Variants in ADGRL4 observed in about 807,000 individuals in gnomAD.
ADGRL4 encodes adhesion G protein-coupled receptor L4, also known as EGF, latrophilin and seven transmembrane domain containing 1.
ADGRL4 carries 90 observed loss-of-function variants against 74.8 expected under a neutral mutation model. That is an observed-to-expected ratio of 1.20 (90% confidence interval 1.02 to 1.43). The LOEUF (loss-of-function observed/expected upper bound fraction) is 1.43, where lower values mean the gene tolerates loss of function less well. Among genes scored for constraint, ADGRL4 ranks in the 40% most tolerant of loss-of-function variants. ADGRL4 has a pLI of 0.00. For missense variants in ADGRL4, 881 were observed against 814.3 expected (o/e 1.08, Z -1.00); for synonymous variants, 311 against 279.2 (o/e 1.11, Z -1.14).
At chr1:78,941,561 C>T (rs1178604059) in intron 3 of ADGRL4, among the ~76,000 whole-genome samples, 1 of 151,442 alleles carries the variant, frequency 6.6e-6, no homozygotes, top group Non-Finnish European at 1.5e-5. Context: ...TTCAATCCCC[C>T]CTTTTTTTTT....
chr1:79,003,022 G>C (rs189965509), intron 2 of ADGRL4, among the ~76,000 whole-genome samples: 1 of 151,836 alleles, frequency 6.6e-6, no homozygotes, highest in Non-Finnish European at 1.5e-5. Context: ...CGATATTGAG[G>C]ACAGAAAAAA....
chr1:78,975,573 T>A (rs1297155450), intron 2 of ADGRL4, among the ~76,000 whole-genome samples: 2 of 151,972 alleles, frequency 1.3e-5, no homozygotes, highest in African/African-American at 2.4e-5. Flanking sequence ...ACTACTGCAA[T>A]TTCTTAAACT....
At chr1:78,991,373 TACAAATTTC>T in intron 2 of ADGRL4, among the ~76,000 whole-genome samples, 1 of 152,148 alleles carries the variant, frequency 6.6e-6, no homozygotes, top group Admixed American at 6.6e-5. Flanking sequence ...GTGCAGAATT[TACAAATTTC>T]ACAATTTGCT....
chr1:78,943,602 T>C (rs1274452271), intron 3 of ADGRL4, among the ~76,000 whole-genome samples: 1 of 152,206 alleles, frequency 6.6e-6, no homozygotes, highest in Admixed American at 6.5e-5. Context: ...AAATGTCAAA[T>C]TTAAGGATAA....
chr1:78,951,472 G>A (rs192404868), intron 2 of ADGRL4, among the ~76,000 whole-genome samples: 1 of 152,158 alleles, frequency 6.6e-6, no homozygotes, highest in East Asian at 1.9e-4. Context: ...ATATGTCTAC[G>A]ATATATTTTC....
rs565429764 is a variant in ADGRL4 at position 78,906,117 on chromosome 1, A to C, written c.1749+11517T>G. 2.0e-5 allele frequency among the ~76,000 whole-genome samples: 3 copies of C among 152,132 alleles called. No individual in the cohort carries two copies. In the South Asian group the frequency reaches 6.2e-4, roughly 31 times the overall value. ...AAGATTCATGGGTTTTATGATATAA[A>C]TTCATTAATCTAAGACTTGGGCACA... On this transcript the variant is annotated intron_variant, in intron 12 of 14. Transcript: ENST00000370742.
chr1:78,935,979 C>T lies in ADGRL4; in HGVS notation c.877+316G>A, dbSNP rs1189398546. On this transcript the variant is annotated intron_variant, in intron 7 of 14. Transcript: ENST00000370742. ...TCTACTAAAAATACAAAAAAATTAG[C>T]CGGGCGTGATGGCGGGCGCCTGTAG... Among the ~76,000 whole-genome samples the T allele has an allele frequency of 8.8e-5, 7 of 79,980 alleles. 3 individuals carry two copies. Among genetic ancestry groups the T allele is most frequent in the Non-Finnish European group, 2.0e-4 (7 of 35,640 alleles). The allele number at this position is 79,980 out of a possible 152,430, so 52.5% of individuals were successfully genotyped here. A position where few individuals can be genotyped will look rare whatever the true frequency, so the allele number is the denominator to read the frequency against.
intron 2 of ADGRL4, among the ~76,000 whole-genome samples, chr1:78,987,976 A>G (rs1211412380): frequency 7.2e-6 from 1 of 139,432 alleles, no homozygotes; most frequent in African/African-American, 2.6e-5. Flanking sequence ...CATTATTTAA[A>G]TTTTTAAAAT....
chr1:78,984,532 CA>C (rs565492414), intron 2 of ADGRL4, among the ~76,000 whole-genome samples: 1 of 151,596 alleles, frequency 6.6e-6, no homozygotes, highest in South Asian at 2.1e-4. Flanking sequence ...CAGTCAGTGA[CA>C]AAAGGCACAA....
intron 3 of ADGRL4, among the ~76,000 whole-genome samples, chr1:78,946,061 T>C (rs1035526181): frequency 1.3e-5 from 2 of 152,144 alleles, no homozygotes; most frequent in African/African-American, 4.8e-5. Context: ...ACTTATTCTC[T>C]CAAAAATTAA....
At chr1:78,985,567 T>C (rs1650476265) in intron 2 of ADGRL4, among the ~76,000 whole-genome samples, 1 of 151,866 alleles carries the variant, frequency 6.6e-6, no homozygotes, top group South Asian at 2.1e-4. Flanking sequence ...TTGAGATTTG[T>C]TAATAACTAT....
At chr1:78,929,506 G>T (rs1046914294) in intron 7 of ADGRL4, among the ~76,000 whole-genome samples, 1 of 151,260 alleles carries the variant, frequency 6.6e-6, no homozygotes, top group Non-Finnish European at 1.5e-5. Flanking sequence ...ACAGGGTGAG[G>T]CCTTGTCTCA....
chr1:78,902,027 T>C (rs541506026), intron 12 of ADGRL4, among the ~76,000 whole-genome samples: 1 of 152,288 alleles, frequency 6.6e-6, no homozygotes, highest in African/African-American at 2.4e-5. Flanking sequence ...GTAGGCTCTT[T>C]ATATCACAAA....
intron 12 of ADGRL4, among the ~76,000 whole-genome samples, chr1:78,905,106 T>C (rs1319796201): frequency 6.6e-6 from 1 of 152,040 alleles, no homozygotes; most frequent in African/African-American, 2.4e-5. Context: ...ATGTTCTTAA[T>C]ATAGAGGAGG....
At chr1:78,962,382 T>C (rs1649972536) in intron 2 of ADGRL4, among the ~76,000 whole-genome samples, 1 of 152,104 alleles carries the variant, frequency 6.6e-6, no homozygotes, top group African/African-American at 2.4e-5. Context: ...CATTTACCTC[T>C]CCAAATATTC....
At chr1:78,899,020 C>T (rs1648459824) in intron 12 of ADGRL4, among the ~76,000 whole-genome samples, 1 of 152,110 alleles carries the variant, frequency 6.6e-6, no homozygotes, top group Non-Finnish European at 1.5e-5. Context: ...AGTCATTTTT[C>T]TTTTCATAGT....
At chr1:79,001,243 G>GAGGA (rs1450977796) in intron 2 of ADGRL4, among the ~76,000 whole-genome samples, 3,404 of 124,348 alleles carry the variant, frequency 0.027, 229 homozygotes, top group African/African-American at 0.095. Context: ...GGGAGGGAGG[G>GAGGA]AGGAAGGAAG....
In ADGRL4 at chr1:79,001,713, C is replaced by T. The variant is rs563570765; in HGVS notation, c.172+3357G>A. The stretch of plus-strand genomic sequence containing the variant: ...CTGACAGACCATCTTTTTAGGTAAG[C>T]AAATTATACTGTTGTTATGCTAATT... On this transcript the variant is annotated intron_variant, in intron 2 of 14. Coordinates refer to ENST00000370742, the MANE Select transcript of ADGRL4 (RefSeq NM_022159.4). Among the ~76,000 whole-genome samples the T allele has an allele frequency of 1.2e-3, 177 of 152,084 alleles. 1 individual carries two copies. Among genetic ancestry groups the T allele is most frequent in the Middle Eastern group, 3.4e-3 (1 of 294 alleles).
chr1:78,988,760 T>C (rs1650546509), intron 2 of ADGRL4, among the ~76,000 whole-genome samples: 1 of 151,824 alleles, frequency 6.6e-6, no homozygotes, highest in African/African-American at 2.4e-5. Flanking sequence ...TTTAAGAATC[T>C]ACCTGGAGAT....
Sources: allele counts gnomAD v4.1 joint callset (sites outside exome capture counted in the v4.1 genomes callset), GRCh38; gene constraint gnomAD v4.1.1; transcripts MANE v1.5; gene names NCBI Gene and HGNC (gene_info 2026-07-23, HGNC 2026-07-21).